Variants in EYS observed in about 807,000 individuals in gnomAD.
EYS encodes EGF-like photoreceptor maintenance factor.
In EYS, 250 loss-of-function variants were observed where a neutral mutation model predicts 282.1. That is an observed-to-expected ratio of 0.89 (90% confidence interval 0.80 to 0.98). The LOEUF (loss-of-function observed/expected upper bound fraction) is 0.98, where lower values mean the gene tolerates loss of function less well. EYS is among the 50% of genes least tolerant of loss of function. EYS has a pLI of 0.00. For missense variants in EYS, 4,016 were observed against 3,709.0 expected (o/e 1.08, Z -2.15); for synonymous variants, 1,355 against 1,282.9 (o/e 1.06, Z -1.20).
At chr6:64,604,630 T>A (rs147710208) in intron 24 of EYS, among the ~76,000 whole-genome samples, 1 of 152,170 alleles carries the variant, frequency 6.6e-6, no homozygotes, top group Non-Finnish European at 1.5e-5. Flanking sequence ...CTACCAGAAC[T>A]TCAGGGGATT....
intron 2 of EYS, among the ~76,000 whole-genome samples, chr6:65,619,099 G>T (rs1246834641): frequency 6.6e-6 from 1 of 151,808 alleles, no homozygotes; most frequent in African/African-American, 2.4e-5. Context: ...GAAAGGCATT[G>T]GTAGATTGAT....
chr6:64,544,490 A>T (rs1283175315), intron 26 of EYS, among the ~76,000 whole-genome samples: 1 of 152,216 alleles, frequency 6.6e-6, no homozygotes, highest in African/African-American at 2.4e-5. Flanking sequence ...CACTTGAAGT[A>T]GCACCAGTCC....
At chr6:64,006,042 C>A (rs909765825) in intron 33 of EYS, among the ~76,000 whole-genome samples, 1 of 152,164 alleles carries the variant, frequency 6.6e-6, no homozygotes, top group Non-Finnish European at 1.5e-5. Flanking sequence ...AGAATTGAAT[C>A]TGTAAATTGC....
Position 64,635,771 on chromosome 6 carries a change from G to A in EYS, c.3444-9526C>T, listed in dbSNP as rs965393789. 3.9e-5 allele frequency among the ~76,000 whole-genome samples: 6 copies of A among 152,110 alleles called. No homozygotes were observed. The South Asian group carries it at 8.3e-4, about 21-fold the overall frequency. On this transcript the variant is annotated intron_variant, in intron 22 of 42. Transcript: ENST00000503581. ...TGCATCAATGTTCATCAAGGATATT[G>A]GTCAAAAATTCTCTTTTTTGGTTGT...
At chr6:65,283,628 T>A (rs1205037440) in intron 12 of EYS, among the ~76,000 whole-genome samples, 1 of 152,054 alleles carries the variant, frequency 6.6e-6, no homozygotes, top group African/African-American at 2.4e-5. Flanking sequence ...ATAGAGTTAC[T>A]CTGTTAACTC....
chr6:65,331,814 T>C, intron 11 of EYS: 2 of 685,858 alleles, frequency 2.9e-6, no homozygotes, highest in South Asian at 1.3e-4. Flanking sequence ...TTTATTCGTA[T>C]TGAAGCACAT....
intron 35 of EYS, among the ~76,000 whole-genome samples, chr6:63,899,741 C>T (rs1406997363): frequency 6.6e-6 from 1 of 152,154 alleles, no homozygotes; most frequent in Non-Finnish European, 1.5e-5. Flanking sequence ...TTACTCATGC[C>T]TCTCCCTTGC....
chr6:64,948,666 C>T (rs926908521), intron 14 of EYS, among the ~76,000 whole-genome samples: 5 of 148,498 alleles, frequency 3.4e-5, no homozygotes, highest in African/African-American at 1.2e-4. Context: ...AAGTAAAATA[C>T]TATTTTTAAA....
chr6:64,811,845 T>C (rs1190325830), intron 22 of EYS, among the ~76,000 whole-genome samples: 2 of 152,152 alleles, frequency 1.3e-5, no homozygotes, highest in African/African-American at 4.8e-5. Context: ...CTAGTCTCTG[T>C]TATTCTGTTA....
intron 1 of EYS, among the ~76,000 whole-genome samples, chr6:65,677,414 C>T (rs944415730): frequency 3.3e-5 from 5 of 151,796 alleles, no homozygotes; most frequent in African/African-American, 1.2e-4. Context: ...TGTGTTTCTA[C>T]ACGTTAACAA....
chr6:64,230,521 A>C (rs1182713046), intron 31 of EYS, 71 bp downstream of exon 31: 2 of 1,091,230 alleles, frequency 1.8e-6, no homozygotes, highest in African/African-American at 3.1e-5. Flanking sequence ...TTTACAATAC[A>C]TTTCAACTCC....
chr6:64,472,724 C>T (rs1776155469), intron 26 of EYS, among the ~76,000 whole-genome samples: 2 of 152,102 alleles, frequency 1.3e-5, no homozygotes, highest in Non-Finnish European at 2.9e-5. Flanking sequence ...TACCAATTTA[C>T]ACCCTGACAC....
intron 12 of EYS, among the ~76,000 whole-genome samples, chr6:65,243,916 T>C (rs1487417497): frequency 6.6e-6 from 1 of 152,124 alleles, no homozygotes; most frequent in Non-Finnish European, 1.5e-5. Context: ...AAGTAATTTG[T>C]TTTTAAAGTT....
At chr6:65,658,104 G>A (rs1767889272) in intron 1 of EYS, among the ~76,000 whole-genome samples, 7 of 151,760 alleles carry the variant, frequency 4.6e-5, no homozygotes, top group Admixed American at 4.6e-4. Context: ...AGCTTTATAT[G>A]TGCTGGTAAC....
intron 22 of EYS, among the ~76,000 whole-genome samples, chr6:64,694,288 T>TA (rs575662513): frequency 1.3e-5 from 2 of 152,150 alleles, no homozygotes; most frequent in African/African-American, 2.4e-5. Context: ...ACATAAAAGT[T>TA]AAAAAACCAT....
intron 31 of EYS, among the ~76,000 whole-genome samples, chr6:64,118,485 A>T (rs866607768): frequency 6.6e-6 from 1 of 152,142 alleles, no homozygotes; most frequent in African/African-American, 2.4e-5. Context: ...AGGTATCCAT[A>T]TCCAGAAAAA....
At chr6:65,675,540 TA>T (rs1226601346) in intron 1 of EYS, among the ~76,000 whole-genome samples, 1 of 151,940 alleles carries the variant, frequency 6.6e-6, no homozygotes, top group Non-Finnish European at 1.5e-5. Flanking sequence ...CTTAGAATTA[TA>T]AAAGGGTGAA....
chr6:63,877,769 G>A (rs1773016063), intron 35 of EYS, among the ~76,000 whole-genome samples: 1 of 152,076 alleles, frequency 6.6e-6, no homozygotes, highest in Non-Finnish European at 1.5e-5. Context: ...ATCGGCTACT[G>A]AAGCTTGTGC....
At chr6:64,683,117 A>C (rs185934814) in intron 22 of EYS, among the ~76,000 whole-genome samples, 1 of 152,366 alleles carries the variant, frequency 6.6e-6, no homozygotes, top group Non-Finnish European at 1.5e-5. Flanking sequence ...AGTTTAGAGT[A>C]GTAATCCTTC....
Sources: allele counts gnomAD v4.1 joint callset (sites outside exome capture counted in the v4.1 genomes callset), GRCh38; gene constraint gnomAD v4.1.1; transcripts MANE v1.5; gene names NCBI Gene and HGNC (gene_info 2026-07-23, HGNC 2026-07-21).